Variants in PDE4B observed in about 807,000 individuals in gnomAD.
PDE4B encodes the protein phosphodiesterase 4B, also known as 3',5'-cyclic-AMP phosphodiesterase 4B.
PDE4B carries 20 observed loss-of-function variants against 82.2 expected under a neutral mutation model. That is an observed-to-expected ratio of 0.24 (90% CI 0.17 to 0.35). The LOEUF (loss-of-function observed/expected upper bound fraction) is 0.35. PDE4B is among the 10% of genes least tolerant of loss of function. The probability of loss-of-function intolerance (pLI) is 1.00; values close to 1 mark genes in which losing one functional copy is unlikely to be tolerated. For synonymous variants in PDE4B, 320 were observed against 318.9 expected, an observed-to-expected ratio of 1.00 and a Z score of -0.04; for missense variants, 655 against 907.2, an observed-to-expected ratio of 0.72 and a Z score of 3.57.
At chr1:66,097,602 T>C (rs544121994) in intron 3 of PDE4B, among the ~76,000 whole-genome samples, 17 of 152,192 alleles carry the variant, frequency 1.1e-4, no homozygotes, top group African/African-American at 3.4e-4. Flanking sequence ...TTGCAGATTT[T>C]CTTCTCTAAA....
At chr1:66,333,043 T>A (rs1484039322) in intron 8 of PDE4B, among the ~76,000 whole-genome samples, 1 of 152,242 alleles carries the variant, frequency 6.6e-6, no homozygotes, top group East Asian at 1.9e-4. Context: ...TTAACCTTCA[T>A]ATATCAATGG....
At chr1:65,932,109 G>C (rs1025155873) in intron 3 of PDE4B, among the ~76,000 whole-genome samples, 2 of 151,922 alleles carry the variant, frequency 1.3e-5, no homozygotes, top group Admixed American at 6.6e-5. Context: ...TCCTCTGTCT[G>C]GCTTGTTTTG....
At chr1:65,994,472 G>A (rs955913361) in intron 3 of PDE4B, among the ~76,000 whole-genome samples, 5 of 148,342 alleles carry the variant, frequency 3.4e-5, no homozygotes, top group East Asian at 4.0e-4. Flanking sequence ...CAGAATACAC[G>A]TGGTTAGTCT....
At chr1:65,896,063 T>TA (rs1330648166) in intron 1 of PDE4B, among the ~76,000 whole-genome samples, 2 of 151,860 alleles carry the variant, frequency 1.3e-5, no homozygotes, top group Non-Finnish European at 2.9e-5. Context: ...GTATTTGTTT[T>TA]AAAAAATGAT....
chr1:65,902,304 GT>G (rs1401684435), intron 1 of PDE4B, among the ~76,000 whole-genome samples: 1 of 152,034 alleles, frequency 6.6e-6, no homozygotes, highest in African/African-American at 2.4e-5. Context: ...ACAAATAATT[GT>G]TTTGCCAATA....
At position 65,918,752 on chromosome 1, in the gene PDE4B, T is replaced by A. The variant is rs1220144497; in HGVS notation, c.198T>A (p.Pro66=). The A allele has an allele frequency of 6.2e-7, 1 of 1,614,034 alleles. No homozygotes were observed. The highest frequency in any genetic ancestry group is 8.5e-7 in the Non-Finnish European group (1 of 1,179,880). The change falls in exon 3 of 17, where the codon CCT becomes CCA. Residue 66 remains proline, a synonymous_variant. Transcript: ENST00000341517. ...GACAGAGTGAAAGGGCAAGGACTCC[T>A]GAGGGAGATGGTATTTCCAGGCCGA... ...SQRQSERART[P]EGDGISRPTT...
rs1646611218 is a variant in PDE4B at position 66,161,439 on chromosome 1, A to AAT, written c.282-86021_282-86020insAT. 2.0e-5 allele frequency among the ~76,000 whole-genome samples: 3 copies of AAT among 152,166 alleles called. No homozygotes were observed. The South Asian group carries it at 6.2e-4, about 32-fold the overall frequency. ...TTACCCTAAATGCATTTCTGGTTTA[A>AAT]TACTCAATTCTTTGTAAAAGAAAAT... is the stretch of plus-strand genomic sequence containing the variant. On this transcript the variant is annotated intron_variant, in intron 3 of 16. Transcript: ENST00000341517.
intron 1 of PDE4B, among the ~76,000 whole-genome samples, chr1:65,880,529 A>G (rs1239341337): frequency 2.6e-5 from 4 of 152,284 alleles, no homozygotes; most frequent in Non-Finnish European, 5.9e-5. Flanking sequence ...TGATTAGGTG[A>G]TGAGGATGCA....
chr1:66,101,697 A>G (rs1420502145), intron 3 of PDE4B, among the ~76,000 whole-genome samples: 3 of 151,590 alleles, frequency 2.0e-5, no homozygotes, highest in African/African-American at 7.3e-5. Context: ...TTTTCTTGTT[A>G]ATTTGTTTGA....
intron 3 of PDE4B, among the ~76,000 whole-genome samples, chr1:66,060,935 G>A (rs906878385): frequency 1.3e-5 from 2 of 151,692 alleles, no homozygotes; most frequent in African/African-American, 2.4e-5. Flanking sequence ...GTGAAAAATA[G>A]GTGTAATACA....
At chr1:65,867,826 G>T (rs557339848) in intron 1 of PDE4B, among the ~76,000 whole-genome samples, 1 of 152,286 alleles carries the variant, frequency 6.6e-6, no homozygotes, top group Admixed American at 6.5e-5. Flanking sequence ...CAACTAACAT[G>T]TATTTATTGA....
intron 4 of PDE4B, chr1:66,257,348 T>G: frequency 2.1e-6 from 1 of 487,644 alleles, no homozygotes; most frequent in Non-Finnish European, 3.9e-6. Context: ...CGCTTTGAAT[T>G]ACAGTACTCT....
chr1:66,150,324 T>C (rs1646365382), intron 3 of PDE4B, among the ~76,000 whole-genome samples: 1 of 152,208 alleles, frequency 6.6e-6, no homozygotes, highest in South Asian at 2.1e-4. Context: ...GCTCTGAAGA[T>C]CGTTTTCACA....
chr1:66,274,046 G>A (rs974891738), intron 7 of PDE4B, among the ~76,000 whole-genome samples: 3 of 152,214 alleles, frequency 2.0e-5, no homozygotes, highest in African/African-American at 7.2e-5. Context: ...CTGGCATTGT[G>A]CTTGCCACAA....
chr1:66,088,907 G>A (rs1644954660), intron 3 of PDE4B, among the ~76,000 whole-genome samples: 1 of 152,004 alleles, frequency 6.6e-6, no homozygotes, highest in South Asian at 2.1e-4. Context: ...TTCTGCATCT[G>A]CAGCCTTGGA....
chr1:66,271,975 C>T (rs556382036), intron 7 of PDE4B, among the ~76,000 whole-genome samples: 1 of 152,228 alleles, frequency 6.6e-6, no homozygotes, highest in Admixed American at 6.5e-5. Context: ...ATGAATCAAC[C>T]TTTTTGCAGC....
At chr1:65,815,217 C>A (rs1289704035) in intron 1 of PDE4B, among the ~76,000 whole-genome samples, 1 of 145,134 alleles carries the variant, frequency 6.9e-6, no homozygotes, top group Non-Finnish European at 1.5e-5. Context: ...CTCCCCCCCA[C>A]CCTCAACACA....
intron 1 of PDE4B, among the ~76,000 whole-genome samples, chr1:65,867,810 A>G (rs144790454): frequency 6.6e-5 from 10 of 152,332 alleles, no homozygotes; most frequent in South Asian, 2.1e-4. Context: ...GCAGATGCCA[A>G]TCTGTCAACT....
At chr1:66,369,194 A>G (rs1219909504) in intron 16 of PDE4B, among the ~76,000 whole-genome samples, 6 of 152,210 alleles carry the variant, frequency 3.9e-5, no homozygotes, top group Non-Finnish European at 5.9e-5. Flanking sequence ...AATTTGGACT[A>G]TGTGTCCCTA....
Sources: allele counts gnomAD v4.1 joint callset (sites outside exome capture counted in the v4.1 genomes callset), GRCh38; gene constraint gnomAD v4.1.1; transcripts MANE v1.5; gene names NCBI Gene and HGNC (gene_info 2026-07-23, HGNC 2026-07-21).